EIF2AK4: variants seen among roughly 807,000 people sequenced by gnomAD.
EIF2AK4 encodes eukaryotic translation initiation factor 2 alpha kinase 4.
In EIF2AK4, 139 loss-of-function variants were observed where a neutral mutation model predicts 211.1. That is an observed-to-expected ratio of 0.66 (90% CI 0.57 to 0.76). The LOEUF (loss-of-function observed/expected upper bound fraction) is 0.76. EIF2AK4 is among the 30% of genes least tolerant of loss of function. EIF2AK4 has a pLI of 0.00. For synonymous variants in EIF2AK4, 710 were observed against 751.3 expected, an observed-to-expected ratio of 0.94 and a Z score of 0.90; for missense variants, 1,664 against 2,043.8, an observed-to-expected ratio of 0.81 and a Z score of 3.58.
intron 27 of EIF2AK4, among the ~76,000 whole-genome samples, chr15:40,013,053 G>T (rs2035255380): frequency 6.6e-6 from 1 of 152,196 alleles, no homozygotes. Context: ...ATTGACTTCA[G>T]TGCTTCTGGT....
At chr15:39,940,613 G>A (rs914012005) in intron 2 of EIF2AK4, among the ~76,000 whole-genome samples, 5 of 151,814 alleles carry the variant, frequency 3.3e-5, no homozygotes, top group Admixed American at 6.6e-5. Flanking sequence ...TTAACGAAAC[G>A]TTAATTATAA....
At chr15:39,998,293 T>C (rs2140932562) in intron 19 of EIF2AK4, among the ~76,000 whole-genome samples, 1 of 151,652 alleles carries the variant, frequency 6.6e-6, no homozygotes, top group East Asian at 1.9e-4. Flanking sequence ...TTGCCTTTTT[T>C]CATCTGCATG....
At chr15:39,956,818 C>T (rs556868120) in intron 6 of EIF2AK4, among the ~76,000 whole-genome samples, 65 of 152,198 alleles carry the variant, frequency 4.3e-4, no homozygotes, top group African/African-American at 1.5e-3. Flanking sequence ...ACTTTGCTTC[C>T]ATGAAAAGAA....
intron 17 of EIF2AK4, 114 bp downstream of exon 17, chr15:39,992,343 C>A (rs2034955369): frequency 2.5e-6 from 2 of 806,988 alleles, no homozygotes; most frequent in Admixed American, 2.9e-5. Context: ...TTTAATTGCT[C>A]CTTAAGTTAA....
At chr15:40,022,654 T>C in intron 32 of EIF2AK4, 49 bp downstream of exon 32, 1 of 1,542,188 alleles carries the variant, frequency 6.5e-7, no homozygotes. Flanking sequence ...GTGTTACCTG[T>C]GGAGCACCTG....
chr15:39,938,416 C>A (rs755543348), intron 1 of EIF2AK4, among the ~76,000 whole-genome samples: 1 of 152,236 alleles, frequency 6.6e-6, no homozygotes, highest in Non-Finnish European at 1.5e-5. Flanking sequence ...AAATTTTGTA[C>A]ACATAGTAGA....
chr15:39,955,824 A>T (rs115791419), intron 6 of EIF2AK4, 56 bp downstream of exon 6: 9 of 1,511,374 alleles, frequency 6.0e-6, no homozygotes, highest in Non-Finnish European at 7.9e-6. Context: ...GGATTTTACT[A>T]CATTGAAGAT....
intron 29 of EIF2AK4, among the ~76,000 whole-genome samples, chr15:40,017,543 A>ATG (rs1391823952): frequency 0.018 from 761 of 41,682 alleles, 43 homozygotes; most frequent in Non-Finnish European, 0.035. Context: ...ATATATATAT[A>ATG]TATATATATA....
intron 4 of EIF2AK4, among the ~76,000 whole-genome samples, chr15:39,953,321 A>G (rs1429230636): frequency 6.6e-6 from 1 of 152,190 alleles, no homozygotes; most frequent in Non-Finnish European, 1.5e-5. Flanking sequence ...ATCTCTTAAT[A>G]GTTTTGATAA....
At chr15:39,944,550 G>A (rs1459922859) in intron 3 of EIF2AK4, among the ~76,000 whole-genome samples, 4 of 149,754 alleles carry the variant, frequency 2.7e-5, no homozygotes, top group African/African-American at 9.9e-5. Context: ...TCCTGCCTCA[G>A]CCTCCCGAGT....
Position 39,961,768 on chromosome 15 carries a change from C to A in EIF2AK4, c.744-16C>A, listed in dbSNP as rs2034475966. ...AAAATGATTGTTCAAATGTATTGTT[C>A]AAATTTATTTTTAAGGCGAGAACGT... On this transcript the variant is annotated splice_polypyrimidine_tract_variant and intron_variant, in intron 6 of 38. Transcript: ENST00000263791. The A allele has an allele frequency of 6.3e-7, 1 of 1,584,596 alleles. No individual in the cohort carries two copies. The highest frequency in any genetic ancestry group is 8.6e-7 in the Non-Finnish European group (1 of 1,156,886).
intron 9 of EIF2AK4, among the ~76,000 whole-genome samples, chr15:39,969,446 C>T (rs1000747667): frequency 1.3e-5 from 2 of 150,360 alleles, no homozygotes; most frequent in East Asian, 1.9e-4. Flanking sequence ...CTGCAAGCTC[C>T]GCCTCCCAGG....
At chr15:40,011,654 G>A (rs553350306) in intron 27 of EIF2AK4, among the ~76,000 whole-genome samples, 4 of 152,262 alleles carry the variant, frequency 2.6e-5, no homozygotes, top group African/African-American at 7.2e-5. Context: ...AGAGCCTCCT[G>A]CTGAACATAC....
intron 5 of EIF2AK4, 60 bp from the exon 6 acceptor site, chr15:39,955,560 C>T (rs564864753): frequency 1.4e-5 from 21 of 1,513,274 alleles, no homozygotes; most frequent in Middle Eastern, 1.9e-4. Context: ...TAATTATGTA[C>T]CATGATTTTC....
chr15:40,005,867 G>C (rs12899936), intron 23 of EIF2AK4, among the ~76,000 whole-genome samples: 1 of 151,788 alleles, frequency 6.6e-6, no homozygotes, highest in Non-Finnish European at 1.5e-5. Flanking sequence ...CACCGCACCC[G>C]GCCTGCATAC....
chr15:39,952,387 C>T lies in EIF2AK4; in HGVS notation c.514-1517C>T, dbSNP rs1390644275. On this transcript the variant is annotated intron_variant, in intron 4 of 38. Transcript: ENST00000263791. ...CTCACCGCAGCTCAAGGGATCCTCC[C>T]GCCTAAGCTGCCTGAGTAGCTGGGA... is the stretch of plus-strand genomic sequence containing the variant. Among the ~76,000 whole-genome samples the T allele has an allele frequency of 3.3e-5, 5 of 151,652 alleles. No individual in the cohort carries two copies. In the South Asian group the frequency reaches 6.2e-4, roughly 19 times the overall value.
chr15:39,945,433 C>A (rs957122066), intron 3 of EIF2AK4, among the ~76,000 whole-genome samples: 2 of 152,210 alleles, frequency 1.3e-5, no homozygotes, highest in Non-Finnish European at 2.9e-5. Flanking sequence ...TAACTCTCTT[C>A]AATTCTGTGA....
At chr15:40,034,821 G>A (rs1474937404) in intron 38 of EIF2AK4, among the ~76,000 whole-genome samples, 2 of 152,170 alleles carry the variant, frequency 1.3e-5, no homozygotes, top group African/African-American at 4.8e-5. Flanking sequence ...AGCCTATGAG[G>A]TGAATGGTTA....
chr15:40,011,390 T>C lies in EIF2AK4; in HGVS notation c.3759+44T>C, dbSNP rs1567004417. The C allele has an allele frequency of 4.6e-6, 7 of 1,521,140 alleles. No homozygotes were observed. The Middle Eastern group carries it at 8.5e-4, about 185-fold the overall frequency. The allele number at this position is 1,521,140 out of a possible 1,614,324, so 94.2% of individuals were successfully genotyped here. ...TATTATTACAGCTTTCTCTGTAATT[T>C]TGTGATACCAGAAAATGTCATCAAA... On this transcript the variant is annotated intron_variant, in intron 27 of 38. Coordinates refer to ENST00000263791, the MANE Select transcript of EIF2AK4 (RefSeq NM_001013703.4).
Sources: gnomAD v4.1 joint callset for allele counts (sites outside exome capture counted in the v4.1 genomes callset) on GRCh38, gnomAD v4.1.1 for gene constraint, MANE v1.5 for transcripts, NCBI Gene and HGNC (gene_info 2026-07-23, HGNC 2026-07-21) for gene names.